The following RPAIN variants were observed in gnomAD, a reference collection of about 807,000 sequenced individuals.
RPAIN encodes the protein RPA interacting protein, also known as RPA-interacting protein.
RPAIN carries 29 observed loss-of-function variants against 30.5 expected under a neutral mutation model. That is an observed-to-expected ratio of 0.95 (90% confidence interval 0.71 to 1.30). The LOEUF (loss-of-function observed/expected upper bound fraction) is 1.30, where lower values mean the gene tolerates loss of function less well. Among genes scored for constraint, RPAIN ranks in the 50% most tolerant of loss-of-function variants. The probability of loss-of-function intolerance (pLI) is 0.00; values close to 1 mark genes in which losing one functional copy is unlikely to be tolerated. For synonymous variants in RPAIN, 101 were observed against 93.5 expected, an observed-to-expected ratio of 1.08 and a Z score of -0.46; for missense variants, 247 against 264.7, an observed-to-expected ratio of 0.93 and a Z score of 0.46.
Position 5,432,833 on chromosome 17 carries a change from T to C in RPAIN, c.*262T>C. 2 of 913,284 alleles carry C rather than the reference T, an allele frequency of 2.2e-6. No homozygotes were observed. The highest frequency in any genetic ancestry group is 2.7e-5 in the East Asian group (1 of 36,644). The allele number at this position is 913,284 out of a possible 1,614,324, so 56.6% of individuals were successfully genotyped here. On this transcript the variant is annotated 3_prime_UTR_variant, in exon 7 of 7. Coordinates refer to ENST00000381209, the MANE Select transcript of RPAIN (RefSeq NM_001033002.4). ...ATGTTATACAAAAATCTAGAAATAA[T>C]AGATTTGTACAGAAAAAAATGATAA... is the stretch of plus-strand genomic sequence containing the variant.
intron 3 of RPAIN, chr17:5,425,386 A>G (rs1208143107): frequency 2.2e-6 from 1 of 449,020 alleles, no homozygotes; most frequent in Non-Finnish European, 4.4e-6. Flanking sequence ...CTCAGGCTGG[A>G]GTGCAGTGGC....
chr17:5,428,533 G>T, intron 6 of RPAIN: 2 of 1,320,218 alleles, frequency 1.5e-6, no homozygotes, highest in Non-Finnish European at 1.9e-6. Flanking sequence ...ACCCAGATAG[G>T]CCATGCTGGC....
chr17:5,432,691 T>C lies in RPAIN; in HGVS notation c.*120T>C, dbSNP rs537456725. 2 of 1,080,702 alleles carry C rather than the reference T, an allele frequency of 1.9e-6. No homozygotes were observed. The highest frequency in any genetic ancestry group is 4.6e-5 in the Admixed American group (2 of 43,138). 66.9% of individuals were successfully genotyped at this position (1,080,702 alleles called of 1,614,324 possible). On this transcript the variant is annotated 3_prime_UTR_variant, in exon 7 of 7. Transcript: ENST00000381209. ...TTGTATTGAAACTTTTAAACAATAC[T>C]GAAGAAAAAAAAACTTTTCCGACAT...
Position 5,426,288 on chromosome 17 carries a change from A to G in RPAIN, c.478A>G (p.Ile160Val), listed in dbSNP as rs773628080. Residue 160 changes from isoleucine (I) to valine (V), a missense_variant, in exon 5 of 7, where the codon ATC becomes GTC. Ile to Val is a conservative substitution (Grantham distance 29, BLOSUM62 3). Coordinates refer to ENST00000381209, the MANE Select transcript of RPAIN (RefSeq NM_001033002.4). ...GVVVCQCGLS[I>V]PSHSSELTEQ... ...GGTGGTGTGTCAGTGTGGCCTGTCC[A>G]TCCCATCTCATGTGAGTGTTCCACA... 1 of 1,613,894 alleles carries G rather than the reference A, an allele frequency of 6.2e-7. No individual in the cohort carries two copies. The highest frequency in any genetic ancestry group is 1.1e-5 in the South Asian group (1 of 91,088).
intron 4 of RPAIN, 55 bp downstream of exon 4, chr17:5,426,137 GT>G: frequency 6.5e-7 from 1 of 1,544,734 alleles, no homozygotes; most frequent in South Asian, 1.1e-5. Flanking sequence ...CCACTCCAAG[GT>G]GAGTGGAATC....
chr17:5,428,901 A>G (rs1390398744), intron 6 of RPAIN: 1 of 984,288 alleles, frequency 1.0e-6, no homozygotes, highest in South Asian at 4.7e-5. Context: ...GTTCATAGCC[A>G]TGGCTTTCTA....
In RPAIN at chr17:5,432,608, G is replaced by C. The variant is rs1371844383; in HGVS notation, c.*37G>C. ...ACTCACATCATTCTATGGGGTTGAA[G>C]ACAACTCATTCCCTCTGAGGAGCCT... On this transcript the variant is annotated 3_prime_UTR_variant, in exon 7 of 7. Coordinates refer to ENST00000381209, the MANE Select transcript of RPAIN (RefSeq NM_001033002.4). 6.3e-7 allele frequency: 1 copy of C among 1,595,890 alleles called. No individual in the cohort carries two copies. Among genetic ancestry groups the C allele is most frequent in the Non-Finnish European group, 8.6e-7 (1 of 1,163,460 alleles).
intron 6 of RPAIN, chr17:5,431,828 A>G (rs930922829): frequency 2.8e-6 from 1 of 351,558 alleles, no homozygotes; most frequent in Non-Finnish European, 5.6e-6. Context: ...CTTTTAGAGA[A>G]AGCCAAACAT....
At chr17:5,432,432 C>T (rs8072363) in intron 6 of RPAIN, 110 bp from the exon 7 acceptor site, 273,180 of 1,011,576 alleles carry the variant, frequency 0.27, 46,661 homozygotes, top group East Asian at 0.8. Context: ...TGAAACTGGA[C>T]TCAGGAGACC....
chr17:5,429,331 A>G, intron 6 of RPAIN: 1 of 985,524 alleles, frequency 1.0e-6, no homozygotes, highest in Non-Finnish European at 1.2e-6. Context: ...AGATCCCCAC[A>G]TAGAAGAACA....
At chr17:5,432,387 G>A (rs1916064874) in intron 6 of RPAIN, 155 bp from the exon 7 acceptor site, 1 of 668,768 alleles carries the variant, frequency 1.5e-6, no homozygotes, top group Non-Finnish European at 2.7e-6. Flanking sequence ...CCAAAGAGGG[G>A]CGGTCATCAT....
At position 5,428,086 on chromosome 17, in the gene RPAIN, G is replaced by A; in HGVS notation, c.505G>A (p.Glu169Lys). The A allele has an allele frequency of 6.2e-7, 1 of 1,614,164 alleles. No homozygotes were observed. The highest frequency in any genetic ancestry group is 8.5e-7 in the Non-Finnish European group (1 of 1,180,032). Residue 169 changes from glutamate to lysine, a missense_variant, in exon 6 of 7, where the codon GAG (glutamate) becomes AAG (lysine). Glu to Lys is a moderately conservative substitution (Grantham distance 56, BLOSUM62 1). Coordinates refer to ENST00000381209, the MANE Select transcript of RPAIN (RefSeq NM_001033002.4). ...SIPSHSSELT[E>K]QKLRACLEGS... ...TATTTTGTAGTCTTCTGAGTTGACA[G>A]AGCAGAAGCTTCGTGCCTGTTTAGA...
At chr17:5,423,928 T>TAAGA in intron 3 of RPAIN, among the ~76,000 whole-genome samples, 2 of 136,134 alleles carry the variant, frequency 1.5e-5, no homozygotes, top group South Asian at 5.9e-4. Context: ...AATTTTTTTT[T>TAAGA]ATTAATTTTT....
At position 5,428,113 on chromosome 17, in the gene RPAIN, G is replaced by A. The variant is rs1436955322; in HGVS notation, c.532G>A (p.Gly178Ser). ...TEQKLRACLE[G>S]SINEHSAHCP... ...GCAGAAGCTTCGTGCCTGTTTAGAG[G>A]GTAGTATAAATGAGCACAGTGCACA... Residue 178 changes from glycine to serine, a missense_variant, in exon 6 of 7, where the codon GGT (glycine) becomes AGT (serine). Transcript: ENST00000381209. 1 of 1,614,084 alleles carries A rather than the reference G, an allele frequency of 6.2e-7. No homozygotes were observed. Among genetic ancestry groups the A allele is most frequent in the South Asian group, 1.1e-5 (1 of 91,078 alleles).
At chr17:5,420,396 G>A in intron 1 of RPAIN, 105 bp downstream of exon 1, 1 of 983,292 alleles carries the variant, frequency 1.0e-6, no homozygotes, top group East Asian at 2.6e-5. Context: ...GCCGCAGCGC[G>A]CCTGGTCTGG....
chr17:5,428,724 C>T, intron 6 of RPAIN: 1 of 1,009,298 alleles, frequency 9.9e-7, no homozygotes, highest in Non-Finnish European at 1.2e-6. Flanking sequence ...CTATAGGAAC[C>T]AATATCTCTT....
chr17:5,432,294 A>G, intron 6 of RPAIN: 1 of 457,850 alleles, frequency 2.2e-6, no homozygotes, highest in Non-Finnish European at 3.9e-6. Context: ...CATCTACAGG[A>G]TTTGATCTTA....
rs1915340843 is a variant in RPAIN at position 5,425,957 on chromosome 17, C to T, written c.314-14C>T. ...GAAGCATGGTGAAGCCCTCCAACTG[C>T]CTTTGCCTTGCAGAGCAGTCCATCA... is the stretch of plus-strand genomic sequence containing the variant. On this transcript the variant is annotated splice_polypyrimidine_tract_variant and intron_variant, in intron 3 of 6. Coordinates refer to ENST00000381209, the MANE Select transcript of RPAIN (RefSeq NM_001033002.4). 2 of 1,588,374 alleles carry T rather than the reference C, an allele frequency of 1.3e-6. No individual in the cohort carries two copies. The highest frequency in any genetic ancestry group is 1.3e-5 in the African/African-American group (1 of 74,476).
intron 1 of RPAIN, among the ~76,000 whole-genome samples, chr17:5,420,613 G>A (rs968198903): frequency 6.6e-6 from 1 of 151,706 alleles, no homozygotes; most frequent in Admixed American, 6.6e-5. Flanking sequence ...TTGTGAGATA[G>A]AGATGATTTC....
Sources: allele counts gnomAD v4.1 joint callset (sites outside exome capture counted in the v4.1 genomes callset), GRCh38; gene constraint gnomAD v4.1.1; transcripts MANE v1.5; gene names NCBI Gene and HGNC (gene_info 2026-07-23, HGNC 2026-07-21).